The following WDR72 variants were observed in gnomAD, a reference collection of about 807,000 sequenced individuals.
WDR72 encodes the protein WD repeat-containing protein 72.
WDR72 carries 120 observed loss-of-function variants against 124.2 expected under a neutral mutation model. That is an observed-to-expected ratio of 0.97 (90% CI 0.83 to 1.12). The LOEUF (loss-of-function observed/expected upper bound fraction) is 1.12. Among genes scored for constraint, WDR72 ranks in the 50% most tolerant of loss-of-function variants. WDR72 has a pLI of 0.00. For missense variants in WDR72, 1,387 were observed against 1,278.8 expected (o/e 1.08, Z -1.29); for synonymous variants, 452 against 441.7 (o/e 1.02, Z -0.29).
At chr15:53,698,451 T>C (rs949511481) in intron 13 of WDR72, among the ~76,000 whole-genome samples, 2 of 152,226 alleles carry the variant, frequency 1.3e-5, no homozygotes, top group Admixed American at 1.3e-4. Context: ...AGTCAACTAT[T>C]ACTAAGGGCT....
chr15:53,716,189 T>C (rs1313403521), intron 4 of WDR72, among the ~76,000 whole-genome samples: 3 of 152,138 alleles, frequency 2.0e-5, no homozygotes, highest in African/African-American at 7.2e-5. Context: ...ATTATAAAAG[T>C]TATATACAGA....
intron 13 of WDR72, among the ~76,000 whole-genome samples, chr15:53,682,495 T>C (rs1257674364): frequency 6.6e-6 from 1 of 152,176 alleles, no homozygotes; most frequent in Non-Finnish European, 1.5e-5. Context: ...CTCTTTCTTA[T>C]TACTGTATTT....
At chr15:53,570,922 C>T (rs1246035384) in intron 18 of WDR72, among the ~76,000 whole-genome samples, 1 of 152,108 alleles carries the variant, frequency 6.6e-6, no homozygotes. Flanking sequence ...AAATCTTGTC[C>T]TTTGCAGCGA....
chr15:53,574,188 A>G (rs1447180145), intron 18 of WDR72, among the ~76,000 whole-genome samples: 1 of 152,198 alleles, frequency 6.6e-6, no homozygotes, highest in African/African-American at 2.4e-5. Flanking sequence ...TAAAAATCCA[A>G]ACGTAATTTA....
At chr15:53,684,653 A>C (rs4377106) in intron 13 of WDR72, 44,727 of 154,354 alleles carry the variant, frequency 0.29, 6,915 homozygotes, top group Admixed American at 0.33. Context: ...GCCATTGCCC[A>C]GGCTTGATTA....
chr15:53,530,204 T>C (rs1221184256), intron 18 of WDR72, among the ~76,000 whole-genome samples: 3 of 151,236 alleles, frequency 2.0e-5, no homozygotes, highest in African/African-American at 7.3e-5. Flanking sequence ...AAACATTACT[T>C]CTTATTTTGT....
intron 6 of WDR72, 126 bp downstream of exon 6, chr15:53,714,308 T>G (rs900949070): frequency 1.2e-6 from 1 of 800,582 alleles, no homozygotes; most frequent in African/African-American, 1.7e-5. Context: ...TATATGGAAG[T>G]AGAATTTATA....
Position 53,715,233 on chromosome 15 carries a change from C to T in WDR72, c.474G>A (p.Trp158Ter), listed in dbSNP as rs764511570. 6.2e-7 allele frequency: 1 copy of T among 1,614,090 alleles called. No individual in the cohort carries two copies. Among genetic ancestry groups the T allele is most frequent in the Non-Finnish European group, 8.5e-7 (1 of 1,180,014 alleles). ...HSFRSSQFPD[W>*]INCMCIVHSM... ...AGTGAACAATGCACATGCAGTTGAT[C>T]CAGTCAGGAAACTGAGATGATCTAA... The change falls in exon 5 of 20, where the codon TGG becomes TGA. Residue 158 changes from tryptophan (W) to a stop codon, truncating the protein, a stop_gained. Transcript: ENST00000360509. LOFTEE classifies it high-confidence loss of function.
chr15:53,616,658 C>T (rs916459827), intron 14 of WDR72, among the ~76,000 whole-genome samples: 4 of 151,936 alleles, frequency 2.6e-5, no homozygotes, highest in African/African-American at 7.3e-5. Context: ...AAAAATGGTG[C>T]TTCCAAATTT....
intron 13 of WDR72, among the ~76,000 whole-genome samples, chr15:53,669,554 T>A (rs1352807474): frequency 2.6e-5 from 4 of 152,204 alleles, no homozygotes; most frequent in African/African-American, 9.6e-5. Flanking sequence ...AAATTTTCTG[T>A]TTAAGTTACT....
At position 53,613,781 on chromosome 15, in the gene WDR72, A is replaced by G. The variant is rs915289359; in HGVS notation, c.2781-24T>C. On this transcript the variant is annotated intron_variant, in intron 15 of 19. Coordinates refer to ENST00000360509, the MANE Select transcript of WDR72 (RefSeq NM_182758.4). ...AACTGTTAGAAAAAAGATTGACAGC[A>G]TATTACTAAAAAGCATGAAAAATTA... 2.7e-6 allele frequency: 4 copies of G among 1,470,222 alleles called. No homozygotes were observed. The South Asian group carries it at 3.4e-5, about 13-fold the overall frequency. 91.1% of individuals were successfully genotyped at this position (1,470,222 alleles called of 1,614,324 possible). A position where few individuals can be genotyped will look rare whatever the true frequency, so the allele number is the denominator to read the frequency against.
intron 2 of WDR72, among the ~76,000 whole-genome samples, chr15:53,725,429 T>C (rs2140585639): frequency 6.6e-6 from 1 of 152,300 alleles, no homozygotes; most frequent in South Asian, 2.1e-4. Context: ...ATTCTTACCA[T>C]ACAACACAGC....
intron 2 of WDR72, among the ~76,000 whole-genome samples, chr15:53,731,828 T>G (rs2018211305): frequency 6.6e-6 from 1 of 152,144 alleles, no homozygotes; most frequent in South Asian, 2.1e-4. Context: ...ACTTACAGCA[T>G]GCACTCAACA....
At chr15:53,688,906 C>T (rs1034742545) in intron 13 of WDR72, among the ~76,000 whole-genome samples, 88 of 152,090 alleles carry the variant, frequency 5.8e-4, no homozygotes, top group Non-Finnish European at 1.1e-3. Context: ...TCAGAAATAA[C>T]GCCGCATATC....
At position 53,679,379 on chromosome 15, in the gene WDR72, T is replaced by A. The variant is rs533311691; in HGVS notation, c.1766-13611A>T. On this transcript the variant is annotated intron_variant, in intron 13 of 19. Transcript: ENST00000360509. ...CCACAATCATCATAATAAAAAAGCA[T>A]CTGTGTTAATAAGACAGCCCAAAGA... Among the ~76,000 whole-genome samples the A allele has an allele frequency of 3.3e-5, 5 of 152,250 alleles. No homozygotes were observed. In the South Asian group the frequency reaches 8.3e-4, roughly 25 times the overall value.
intron 14 of WDR72, among the ~76,000 whole-genome samples, chr15:53,625,546 A>G (rs1447551653): frequency 6.6e-6 from 1 of 152,206 alleles, no homozygotes. Flanking sequence ...TGAATGCTAT[A>G]AACAGCAGGT....
chr15:53,539,297 T>C (rs1342386468), intron 18 of WDR72, among the ~76,000 whole-genome samples: 2 of 152,044 alleles, frequency 1.3e-5, no homozygotes, highest in African/African-American at 4.8e-5. Context: ...GAATAAGAGG[T>C]AAGCACTAAA....
chr15:53,676,213 G>A (rs1235094788), intron 13 of WDR72, among the ~76,000 whole-genome samples: 1 of 152,088 alleles, frequency 6.6e-6, no homozygotes, highest in Non-Finnish European at 1.5e-5. Context: ...TAATGTAATA[G>A]GAAGACTTCT....
chr15:53,579,780 G>A (rs1489796485), intron 18 of WDR72, among the ~76,000 whole-genome samples: 1 of 151,998 alleles, frequency 6.6e-6, no homozygotes, highest in East Asian at 1.9e-4. Flanking sequence ...CATATGCCAA[G>A]TACTAGGCTA....
Sources: allele counts gnomAD v4.1 joint callset (sites outside exome capture counted in the v4.1 genomes callset), GRCh38; gene constraint gnomAD v4.1.1; transcripts MANE v1.5; gene names NCBI Gene and HGNC (gene_info 2026-07-23, HGNC 2026-07-21).